Variants in IPCEF1 observed in about 807,000 individuals in gnomAD.
IPCEF1 encodes interactor protein for cytohesin exchange factors 1.
In IPCEF1, 31 loss-of-function variants were observed where a neutral mutation model predicts 50.9. The ratio of observed to expected loss-of-function variants is 0.61; its 90% confidence interval spans 0.46 to 0.82. The LOEUF is 0.82. Ranked by LOEUF, IPCEF1 falls within the 40% of genes least tolerant of loss-of-function variation. The probability of loss-of-function intolerance (pLI) is 0.00; values close to 1 mark genes in which losing one functional copy is unlikely to be tolerated. For missense variants in IPCEF1, 458 were observed against 514.0 expected (o/e 0.89, Z 1.05); for synonymous variants, 181 against 192.0 (o/e 0.94, Z 0.47).
intron 1 of IPCEF1, among the ~76,000 whole-genome samples, chr6:154,349,383 ATTTT>A (rs1562298542): frequency 1.0e-5 from 1 of 98,746 alleles, no homozygotes; most frequent in Non-Finnish European, 2.2e-5. Context: ...ATTTTATTTT[ATTTT>A]ATTTATTTAT....
At chr6:154,268,068 G>A (rs909829732) in intron 2 of IPCEF1, among the ~76,000 whole-genome samples, 12 of 152,244 alleles carry the variant, frequency 7.9e-5, no homozygotes, top group African/African-American at 2.9e-4. Flanking sequence ...TGGCCTGAAG[G>A]TGGGGTCTCA....
chr6:154,325,964 G>A lies in IPCEF1; in HGVS notation c.-62+30708C>T, dbSNP rs1008867180. On this transcript the variant is annotated intron_variant, in intron 1 of 11. Transcript: ENST00000367220. The stretch of plus-strand genomic sequence containing the variant: ...TTCTTGGCTGGGCACAGTGGCTCAC[G>A]CTTGTAATCCCAGCATTTTGGGAGG... Among the ~76,000 whole-genome samples, 8 of 152,182 alleles carry A rather than the reference G, an allele frequency of 5.3e-5. No homozygotes were observed. The East Asian group carries it at 1.4e-3, about 26-fold the overall frequency.
Position 154,216,355 on chromosome 6 carries a change from G to A in IPCEF1, c.393-2079C>T, listed in dbSNP as rs145947675. On this transcript the variant is annotated intron_variant, in intron 7 of 11. Coordinates refer to ENST00000367220, the MANE Select transcript of IPCEF1 (RefSeq NM_001130700.2). Reference sequence around the variant, plus strand: ...CCTGGAAAAGATATGAACAAATTATGAACAAATATATCTTCTGTAATTGTG... The same window carrying A: ...CCTGGAAAAGATATGAACAAATTATAAACAAATATATCTTCTGTAATTGTG... 4.5e-3 allele frequency among the ~76,000 whole-genome samples: 683 copies of A among 152,100 alleles called. 14 individuals carry two copies. The highest frequency in any genetic ancestry group is 0.033 in the Admixed American group (511 of 15,260).
intron 10 of IPCEF1, among the ~76,000 whole-genome samples, chr6:154,178,884 C>A (rs1800586656): frequency 6.6e-6 from 1 of 152,184 alleles, no homozygotes; most frequent in Non-Finnish European, 1.5e-5. Flanking sequence ...CCTCTAATAA[C>A]CTGATTCCAG....
Position 154,212,848 on chromosome 6 carries a change from G to A in IPCEF1, c.459C>T (p.Tyr153=), listed in dbSNP as rs945154090. The change falls in exon 9 of 12, where the codon TAC becomes TAT. Residue 153 remains tyrosine (Y), a synonymous_variant. Coordinates refer to ENST00000367220, the MANE Select transcript of IPCEF1 (RefSeq NM_001130700.2). ...QESTTKDEEC[Y]SESEQEDPEI... ...CTGGATCTTCCTGTTCACTTTCACTGTAACATTCTATAACAAAAATGAAAA... is the reference window on the plus strand; with the variant it reads ...CTGGATCTTCCTGTTCACTTTCACTATAACATTCTATAACAAAAATGAAAA... 4.4e-6 allele frequency: 7 copies of A among 1,608,644 alleles called. No individual in the cohort carries two copies. Among genetic ancestry groups the A allele is most frequent in the Non-Finnish European group, 6.0e-6 (7 of 1,175,176 alleles).
At chr6:154,292,613 T>TC (rs560355395) in intron 1 of IPCEF1, among the ~76,000 whole-genome samples, 184 of 152,336 alleles carry the variant, frequency 1.2e-3, no homozygotes, top group African/African-American at 4.3e-3. Flanking sequence ...TAAATCTAGA[T>TC]CCCTTTTTCT....
chr6:154,310,718 A>T (rs1783056853), intron 1 of IPCEF1, among the ~76,000 whole-genome samples: 1 of 152,242 alleles, frequency 6.6e-6, no homozygotes, highest in South Asian at 2.1e-4. Context: ...ATGGAATTGA[A>T]GGACATTATG....
At chr6:154,194,307 G>A (rs1297941334) in intron 10 of IPCEF1, among the ~76,000 whole-genome samples, 1 of 152,206 alleles carries the variant, frequency 6.6e-6, no homozygotes, top group African/African-American at 2.4e-5. Context: ...GCTGAGGCAG[G>A]AGAATCACTT....
intron 2 of IPCEF1, among the ~76,000 whole-genome samples, chr6:154,273,726 T>TTTTTTTC: frequency 6.0e-5 from 1 of 16,674 alleles, no homozygotes; most frequent in African/African-American, 2.5e-4. Context: ...CTTTCTTTCT[T>TTTTTTTC]TTTTTTTTTT....
intron 8 of IPCEF1, among the ~76,000 whole-genome samples, chr6:154,213,947 A>C (rs1220448595): frequency 6.6e-6 from 1 of 152,242 alleles, no homozygotes; most frequent in Non-Finnish European, 1.5e-5. Context: ...AAACATTTGC[A>C]TCGGTGACTG....
chr6:154,324,282 A>G (rs577089636), intron 1 of IPCEF1, among the ~76,000 whole-genome samples: 1 of 152,294 alleles, frequency 6.6e-6, no homozygotes, highest in Admixed American at 6.5e-5. Context: ...AAATAAAATC[A>G]TGGCCAGTTA....
intron 9 of IPCEF1, among the ~76,000 whole-genome samples, chr6:154,206,769 G>A (rs143541139): frequency 2.0e-4 from 30 of 152,290 alleles, no homozygotes; most frequent in African/African-American, 6.5e-4. Context: ...GGGAGTCAGG[G>A]GCAAGTGGTC....
rs141404479 is a variant in IPCEF1, at chr6:154,205,966, T to C, written c.538-5926A>G. Among the ~76,000 whole-genome samples, 119 of 152,238 alleles carry C rather than the reference T, an allele frequency of 7.8e-4. 1 individual carries two copies. The East Asian group carries it at 9.9e-3, about 13-fold the overall frequency. ...TGCTGCAGCCTTCCCCAGCTGCTGC[T>C]AGGCCTGAAACTAATGGCTTACATC... On this transcript the variant is annotated intron_variant, in intron 9 of 11. Coordinates refer to ENST00000367220, the MANE Select transcript of IPCEF1 (RefSeq NM_001130700.2).
rs1798852675 is a variant in IPCEF1 at position 154,159,613 on chromosome 6, C to T, written c.*215G>A. The T allele has an allele frequency of 5.4e-6, 3 of 555,620 alleles. No homozygotes were observed. Among genetic ancestry groups the T allele is most frequent in the East Asian group, 6.4e-5 (2 of 31,342 alleles). 34.4% of individuals were successfully genotyped at this position (555,620 alleles called of 1,614,324 possible). A position where few individuals can be genotyped will look rare whatever the true frequency, so the allele number is the denominator to read the frequency against. On this transcript the variant is annotated 3_prime_UTR_variant, in exon 12 of 12. Transcript: ENST00000367220. ...ACACAAAAAACGCCTTTCAACTGAA[C>T]TCAATCATTCCAATCTCAATGGATG...
intron 2 of IPCEF1, among the ~76,000 whole-genome samples, chr6:154,277,640 GT>G (rs1782095525): frequency 6.6e-6 from 1 of 152,050 alleles, no homozygotes; most frequent in Non-Finnish European, 1.5e-5. Flanking sequence ...TCTTTTATTG[GT>G]TGTTGTTGTT....
At chr6:154,289,428 G>A (rs73571009) in intron 2 of IPCEF1, among the ~76,000 whole-genome samples, 27,150 of 150,890 alleles carry the variant, frequency 0.18, 2,799 homozygotes, top group African/African-American at 0.28. Flanking sequence ...TTTGATAGTC[G>A]TGGTATATTC....
chr6:154,353,280 T>G (rs1485502896), intron 1 of IPCEF1, among the ~76,000 whole-genome samples: 1 of 151,710 alleles, frequency 6.6e-6, no homozygotes, highest in African/African-American at 2.4e-5. Context: ...CCATTTCTTT[T>G]CTTTTCCTTT....
intron 1 of IPCEF1, among the ~76,000 whole-genome samples, chr6:154,332,066 A>T (rs957951993): frequency 2.0e-5 from 3 of 152,158 alleles, no homozygotes; most frequent in African/African-American, 7.2e-5. Context: ...CCCCTCAGCC[A>T]AATTCTTTCC....
At chr6:154,344,995 A>T (rs1783999196) in intron 1 of IPCEF1, among the ~76,000 whole-genome samples, 1 of 152,098 alleles carries the variant, frequency 6.6e-6, no homozygotes, top group Non-Finnish European at 1.5e-5. Context: ...TCAGCCTCCC[A>T]TGTAGCTGGG....
Sources: gnomAD v4.1 joint callset for allele counts (sites outside exome capture counted in the v4.1 genomes callset) on GRCh38, gnomAD v4.1.1 for gene constraint, MANE v1.5 for transcripts, NCBI Gene and HGNC (gene_info 2026-07-23, HGNC 2026-07-21) for gene names.